The following PDSS1 variants were observed in gnomAD, a reference collection of about 807,000 sequenced individuals.
PDSS1 encodes all trans-polyprenyl-diphosphate synthase PDSS1.
PDSS1 carries 43 observed loss-of-function variants against 57.5 expected under a neutral mutation model. The observed-to-expected ratio is 0.75, with a 90% CI of 0.59 to 0.96. The LOEUF (loss-of-function observed/expected upper bound fraction) is 0.96. Among genes scored for constraint, PDSS1 ranks in the 50% least tolerant of loss-of-function variants. PDSS1 has a pLI of 0.00. For synonymous variants in PDSS1, 175 were observed against 191.3 expected (o/e 0.91, Z 0.70); for missense variants, 438 against 527.8 (o/e 0.83, Z 1.67).
At chr10:26,744,730 G>T (rs1245829574) in intron 11 of PDSS1, among the ~76,000 whole-genome samples, 1 of 152,112 alleles carries the variant, frequency 6.6e-6, no homozygotes, top group African/African-American at 2.4e-5. Context: ...ATGTACTTCA[G>T]GAAAACGTGT....
chr10:26,725,154 A>G (rs1835910385), intron 8 of PDSS1, among the ~76,000 whole-genome samples: 5 of 152,212 alleles, frequency 3.3e-5, no homozygotes, highest in Admixed American at 2.0e-4. Flanking sequence ...AGATACACAG[A>G]GACAAAACCT....
At position 26,746,624 on chromosome 10, in the gene PDSS1, C is replaced by T; in HGVS notation, c.*151C>T. ...ATGGGCAATTTATTTTTTTTTATTGCAAAAGTTTTTTCAGAAAACTTTTTA... is the reference window on the plus strand; with the variant it reads ...ATGGGCAATTTATTTTTTTTTATTGTAAAAGTTTTTTCAGAAAACTTTTTA... On this transcript the variant is annotated 3_prime_UTR_variant, in exon 12 of 12. Transcript: ENST00000376215. The T allele has an allele frequency of 1.2e-6, 1 of 814,702 alleles. No individual in the cohort carries two copies. Among genetic ancestry groups the T allele is most frequent in the Non-Finnish European group, 1.9e-6 (1 of 514,130 alleles). The allele number at this position is 814,702 out of a possible 1,614,324, so 50.5% of individuals were successfully genotyped here.
chr10:26,726,588 T>G (rs1488995198), intron 8 of PDSS1, among the ~76,000 whole-genome samples: 2 of 152,132 alleles, frequency 1.3e-5, no homozygotes, highest in African/African-American at 4.8e-5. Flanking sequence ...GCAGAATTAT[T>G]ACAGAAGAAG....
intron 1 of PDSS1, among the ~76,000 whole-genome samples, chr10:26,701,415 T>A (rs1253013214): frequency 6.6e-6 from 1 of 152,118 alleles, no homozygotes; most frequent in Non-Finnish European, 1.5e-5. Context: ...GAAAAATGGA[T>A]TCATGGGCTG....
At chr10:26,729,841 A>G (rs146089321) in intron 8 of PDSS1, among the ~76,000 whole-genome samples, 2,872 of 151,820 alleles carry the variant, frequency 0.019, 91 homozygotes, top group African/African-American at 0.065. Flanking sequence ...GGTCATTACC[A>G]AGGTCTGATT....
chr10:26,706,139 C>G (rs192833495), intron 4 of PDSS1, among the ~76,000 whole-genome samples: 9 of 152,156 alleles, frequency 5.9e-5, no homozygotes, highest in Non-Finnish European at 1.3e-4. Flanking sequence ...CACCGTGGCT[C>G]GTGCCTGTAA....
intron 11 of PDSS1, 131 bp from the exon 12 acceptor site, chr10:26,746,202 A>AG (rs1836889903): frequency 1.1e-6 from 1 of 942,482 alleles, no homozygotes; most frequent in African/African-American, 1.6e-5. Flanking sequence ...TTAGAGATGT[A>AG]GTTTGACTGT....
chr10:26,733,187 G>A lies in PDSS1; in HGVS notation c.832-2053G>A, dbSNP rs368934244. On this transcript the variant is annotated intron_variant, in intron 8 of 11. Transcript: ENST00000376215. ...AGGAAACAGCATTAATCTCACTACA[G>A]GAGACTGCTTCACTATCAGTTATTT... Among the ~76,000 whole-genome samples, 3 of 152,266 alleles carry A rather than the reference G, an allele frequency of 2.0e-5. No individual in the cohort carries two copies. In the East Asian group the frequency reaches 5.8e-4, roughly 29 times the overall value.
intron 4 of PDSS1, among the ~76,000 whole-genome samples, chr10:26,706,838 A>T (rs1436418153): frequency 6.6e-6 from 1 of 152,164 alleles, no homozygotes; most frequent in Non-Finnish European, 1.5e-5. Flanking sequence ...GTCTGCAGCA[A>T]CCTCAATTCT....
intron 5 of PDSS1, among the ~76,000 whole-genome samples, chr10:26,717,431 C>A (rs1420245931): frequency 1.3e-5 from 2 of 152,210 alleles, no homozygotes; most frequent in Non-Finnish European, 2.9e-5. Flanking sequence ...GTGGTTTCGT[C>A]ATGTTGGCCA....
chr10:26,726,517 A>T (rs1835952025), intron 8 of PDSS1, among the ~76,000 whole-genome samples: 1 of 152,234 alleles, frequency 6.6e-6, no homozygotes, highest in Non-Finnish European at 1.5e-5. Context: ...GCGAGCTCCA[A>T]ATAAATGCAT....
intron 8 of PDSS1, among the ~76,000 whole-genome samples, chr10:26,728,133 AT>A (rs1252775488): frequency 6.6e-6 from 1 of 152,132 alleles, no homozygotes; most frequent in East Asian, 1.9e-4. Context: ...AGGTGGGCAG[AT>A]TACCTGAGGT....
chr10:26,704,086 A>AAAAAAAAAAAAAAAAAAAAAAAAAAAC (rs1835134331), intron 2 of PDSS1, among the ~76,000 whole-genome samples: 1 of 145,564 alleles, frequency 6.9e-6, no homozygotes, highest in African/African-American at 2.5e-5. Flanking sequence ...CGTCTCACAA[A>AAAAAAAAAAAAAAAAAAAAAAAAAAAC]AAAAAAAAAA....
Position 26,746,331 on chromosome 10 carries a change from A to G in PDSS1, c.1108-2A>G. The G allele has an allele frequency of 6.2e-7, 1 of 1,614,036 alleles. No individual in the cohort carries two copies. Among genetic ancestry groups the G allele is most frequent in the South Asian group, 1.1e-5 (1 of 91,082 alleles). ...TGTTCTGTTTTGTTCTGTATCTTAT[A>G]GAGTGATGGTGTGCAACAAACAACC... On this transcript the variant is annotated splice_acceptor_variant, in intron 11 of 11. Transcript: ENST00000376215. LOFTEE classifies it high-confidence loss of function.
intron 4 of PDSS1, among the ~76,000 whole-genome samples, 159 bp from the exon 5 acceptor site, chr10:26,709,479 T>C (rs952424314): frequency 2.0e-5 from 3 of 151,874 alleles, no homozygotes; most frequent in Non-Finnish European, 2.9e-5. Context: ...GAGAATCGCA[T>C]GAACCCGGGA....
intron 6 of PDSS1, among the ~76,000 whole-genome samples, chr10:26,722,908 T>C (rs1835834294): frequency 6.6e-6 from 1 of 151,978 alleles, no homozygotes; most frequent in African/African-American, 2.4e-5. Context: ...CTTTTTTTTT[T>C]TTTTGTCTAG....
intron 5 of PDSS1, among the ~76,000 whole-genome samples, chr10:26,718,512 G>A (rs1052800919): frequency 4.6e-5 from 7 of 152,102 alleles, no homozygotes; most frequent in Non-Finnish European, 1.0e-4. Context: ...TGTAATCCCA[G>A]CACTTTGGGA....
chr10:26,724,409 C>CATA (rs1564427872), intron 8 of PDSS1, among the ~76,000 whole-genome samples: 1 of 152,154 alleles, frequency 6.6e-6, no homozygotes, highest in African/African-American at 2.4e-5. Context: ...CAAACTGTAT[C>CATA]ATTTTGAACA....
chr10:26,701,731 T>C (rs1337669644), intron 1 of PDSS1: 2 of 443,176 alleles, frequency 4.5e-6, no homozygotes, highest in African/African-American at 4.0e-5. Context: ...AAATGTGGGG[T>C]TGCAGCCCCC....
Sources: allele counts gnomAD v4.1 joint callset (sites outside exome capture counted in the v4.1 genomes callset), GRCh38; gene constraint gnomAD v4.1.1; transcripts MANE v1.5; gene names NCBI Gene and HGNC (gene_info 2026-07-23, HGNC 2026-07-21).